Variants in RNF217 observed in about 807,000 individuals in gnomAD.
RNF217 encodes E3 ubiquitin-protein ligase RNF217.
In RNF217, 31 loss-of-function variants were observed where a neutral mutation model predicts 57.8. The observed-to-expected ratio is 0.54, with a 90% CI of 0.40 to 0.72. The LOEUF (loss-of-function observed/expected upper bound fraction) is 0.72, where lower values mean the gene tolerates loss of function less well. RNF217 is among the 30% of genes least tolerant of loss of function. RNF217 has a pLI of 0.00. For missense variants in RNF217, 696 were observed against 708.3 expected, an observed-to-expected ratio of 0.98 and a Z score of 0.20; for synonymous variants, 313 against 294.0, an observed-to-expected ratio of 1.06 and a Z score of -0.66.
At chr6:124,973,074 A>G (rs973973013) in intron 1 of RNF217, among the ~76,000 whole-genome samples, 17 of 152,350 alleles carry the variant, frequency 1.1e-4, no homozygotes, top group African/African-American at 4.1e-4. Flanking sequence ...AATATCGTCA[A>G]TATGTAAACT....
intron 1 of RNF217, chr6:124,983,586 T>C: frequency 1.3e-6 from 1 of 741,920 alleles, no homozygotes; most frequent in Non-Finnish European, 1.6e-6. Flanking sequence ...AGGCTTCACT[T>C]TCATAAGGGT....
At chr6:125,032,434 CAT>C (rs1786399545) in intron 1 of RNF217, among the ~76,000 whole-genome samples, 1 of 151,848 alleles carries the variant, frequency 6.6e-6, no homozygotes, top group Admixed American at 6.6e-5. Context: ...TAATATCTAC[CAT>C]AGTTAGGAAA....
chr6:124,987,200 G>C (rs1784394723), intron 1 of RNF217, among the ~76,000 whole-genome samples: 1 of 152,210 alleles, frequency 6.6e-6, no homozygotes, highest in Non-Finnish European at 1.5e-5. Flanking sequence ...CAGTCAAATG[G>C]ATTTTTTAAA....
chr6:125,030,895 T>C lies in RNF217; in HGVS notation c.883-14316T>C, dbSNP rs1269254064. 2.0e-5 allele frequency among the ~76,000 whole-genome samples: 3 copies of C among 152,348 alleles called. No individual in the cohort carries two copies. The East Asian group carries it at 5.8e-4, about 29-fold the overall frequency. On this transcript the variant is annotated intron_variant, in intron 1 of 5. Transcript: ENST00000521654. ...CCGACCCCACATTTTCCTCCCGCAC[T>C]GCCCTAGCAGAGGTTCTACATGAGG...
chr6:125,043,445 G>T (rs1786964784), intron 1 of RNF217, among the ~76,000 whole-genome samples: 1 of 151,868 alleles, frequency 6.6e-6, no homozygotes. Flanking sequence ...TCACCATTTT[G>T]CATCCTGATT....
chr6:125,028,432 G>T (rs902723739), intron 1 of RNF217, among the ~76,000 whole-genome samples: 1 of 151,794 alleles, frequency 6.6e-6, no homozygotes, highest in African/African-American at 2.4e-5. Context: ...TATTTCTTTT[G>T]GAACTACACT....
intron 1 of RNF217, among the ~76,000 whole-genome samples, chr6:124,987,437 A>G (rs1784403180): frequency 6.6e-6 from 1 of 152,058 alleles, no homozygotes; most frequent in South Asian, 2.1e-4. Context: ...TTCTGTTTCT[A>G]TAGAATTGCT....
intron 1 of RNF217, among the ~76,000 whole-genome samples, chr6:125,006,898 G>T: frequency 6.6e-6 from 1 of 152,192 alleles, no homozygotes; most frequent in East Asian, 1.9e-4. Context: ...GCAATGAGCC[G>T]AGATCGCGCC....
At chr6:124,987,215 C>T (rs1460694729) in intron 1 of RNF217, among the ~76,000 whole-genome samples, 1 of 152,080 alleles carries the variant, frequency 6.6e-6, no homozygotes, top group Admixed American at 6.5e-5. Context: ...TTTAAAAATT[C>T]CTTATTGAAA....
intron 1 of RNF217, among the ~76,000 whole-genome samples, chr6:124,996,887 A>G (rs1784773312): frequency 6.6e-6 from 1 of 152,112 alleles, no homozygotes; most frequent in Admixed American, 6.5e-5. Flanking sequence ...AAATTTTGTA[A>G]TGTAATTTTG....
chr6:125,011,620 T>C (rs1034535364), intron 1 of RNF217, among the ~76,000 whole-genome samples: 1 of 152,186 alleles, frequency 6.6e-6, no homozygotes, highest in African/African-American at 2.4e-5. Context: ...TTAGTGTAGA[T>C]ACATTTTTAA....
intron 5 of RNF217, 89 bp from the exon 6 acceptor site, chr6:125,082,775 C>T (rs930561963): frequency 1.7e-5 from 19 of 1,140,162 alleles, no homozygotes; most frequent in Non-Finnish European, 2.3e-5. Context: ...TATGTTCGTA[C>T]ACTGCAAATA....
chr6:125,037,839 GA>G (rs1786704955), intron 1 of RNF217, among the ~76,000 whole-genome samples: 5 of 152,138 alleles, frequency 3.3e-5, no homozygotes. Flanking sequence ...GAGGAAATAT[GA>G]AATTCCCTAG....
At chr6:124,999,971 C>G (rs1282853923) in intron 1 of RNF217, among the ~76,000 whole-genome samples, 1 of 152,128 alleles carries the variant, frequency 6.6e-6, no homozygotes, top group African/African-American at 2.4e-5. Context: ...GTTTTTGCTG[C>G]TGTTTGCTGA....
At position 125,052,284 on chromosome 6, in the gene RNF217, T is replaced by TTGTATGTG. The variant is rs374838947; in HGVS notation, c.1117-5655_1117-5654insATGTGTGT. Among the ~76,000 whole-genome samples, 197 of 143,232 alleles carry TTGTATGTG rather than the reference T, an allele frequency of 1.4e-3. 2 individuals carry two copies. Among genetic ancestry groups the TTGTATGTG allele is most frequent in the African/African-American group, 4.7e-3 (183 of 38,970 alleles). The allele number at this position is 143,232 out of a possible 152,430, so 94.0% of individuals were successfully genotyped here. A position where few individuals can be genotyped will look rare whatever the true frequency, so the allele number is the denominator to read the frequency against. On this transcript the variant is annotated intron_variant, in intron 2 of 5. Coordinates refer to ENST00000521654, the MANE Select transcript of RNF217 (RefSeq NM_001286398.3). The stretch of plus-strand genomic sequence containing the variant: ...AATATAGCTTACCTTGTCATGCGTT[T>TTGTATGTG]TGTGTGTGTGTGTGTGTGTGTGTGT...
intron 1 of RNF217, among the ~76,000 whole-genome samples, chr6:124,994,192 T>C (rs545079655): frequency 6.6e-6 from 1 of 152,198 alleles, no homozygotes; most frequent in Admixed American, 6.5e-5. Flanking sequence ...TTTAAACATA[T>C]TTTTAAAATA....
intron 1 of RNF217, among the ~76,000 whole-genome samples, chr6:124,994,745 A>G (rs1784684051): frequency 1.3e-5 from 2 of 152,200 alleles, no homozygotes; most frequent in South Asian, 2.1e-4. Flanking sequence ...GTTGTATGGC[A>G]TTATATTTCC....
intron 1 of RNF217, among the ~76,000 whole-genome samples, chr6:124,966,419 A>G (rs1783543733): frequency 1.3e-5 from 2 of 152,242 alleles, no homozygotes; most frequent in Non-Finnish European, 1.5e-5. Flanking sequence ...TCAAAAGGGC[A>G]TAGTGAGTGC....
In RNF217 at chr6:124,962,724, C is replaced by A; in HGVS notation, c.180C>A (p.Gly60=). The A allele has an allele frequency of 6.5e-7, 1 of 1,544,962 alleles. No homozygotes were observed. The highest frequency in any genetic ancestry group is 8.6e-7 in the Non-Finnish European group (1 of 1,156,394). ...PSGGGCGSDW[G]CADTSAPEPA... The stretch of plus-strand genomic sequence containing the variant: ...GCGGTGGCTGCGGAAGCGACTGGGG[C>A]TGCGCGGACACCAGCGCCCCAGAGC... Residue 60 remains glycine, a synonymous_variant, in exon 1 of 6, where the codon GGC becomes GGA. Coordinates refer to ENST00000521654, the MANE Select transcript of RNF217 (RefSeq NM_001286398.3). The surrounding 1 kb of genome is among the most constrained non-coding windows in gnomAD (Gnocchi z 4.6).
Sources: gnomAD v4.1 joint callset for allele counts (sites outside exome capture counted in the v4.1 genomes callset) on GRCh38, gnomAD v4.1.1 for gene constraint, Gnocchi (gnomAD v3.1) non-coding constraint, MANE v1.5 for transcripts, NCBI Gene and HGNC (gene_info 2026-07-23, HGNC 2026-07-21) for gene names.